The following UHRF1 variants were observed in gnomAD, a reference collection of about 807,000 sequenced individuals.
UHRF1 encodes the protein ubiquitin like with PHD and ring finger domains 1, also known as E3 ubiquitin-protein ligase UHRF1.
In UHRF1, 9 loss-of-function variants were observed where a neutral mutation model predicts 96.5. The observed-to-expected ratio is 0.09, with a 90% CI of 0.06 to 0.16. The LOEUF (loss-of-function observed/expected upper bound fraction) is 0.16, where lower values mean the gene tolerates loss of function less well. Among genes scored for constraint, UHRF1 ranks in the 10% least tolerant of loss-of-function variants. UHRF1 has a pLI of 1.00. For missense variants in UHRF1, 626 were observed against 1,131.1 expected (o/e 0.55, Z 6.40); for synonymous variants, 455 against 469.9 (o/e 0.97, Z 0.41).
chr19:4,935,194 C>T (rs1015241453), intron 5 of UHRF1, among the ~76,000 whole-genome samples: 5 of 152,132 alleles, frequency 3.3e-5, no homozygotes, highest in African/African-American at 9.7e-5. Flanking sequence ...TCTTGAACTC[C>T]TGACCTCAGG....
Position 4,929,624 on chromosome 19 carries a change from T to C in UHRF1, c.408+148T>C, listed in dbSNP as rs1179513413. On this transcript the variant is annotated intron_variant, in intron 3 of 16. Transcript: ENST00000650932. ...TGGCCAAGGGGTGGTTTCCTGCACG[T>C]TCCTTGAGGGGAACATGGTACCCTG... The C allele has an allele frequency of 3.5e-6, 4 of 1,134,862 alleles. No individual in the cohort carries two copies. The African/African-American group carries it at 6.3e-5, about 18-fold the overall frequency. 70.3% of individuals were successfully genotyped at this position (1,134,862 alleles called of 1,614,324 possible).
rs1019927680 is a variant in UHRF1 at position 4,961,771 on chromosome 19, G to A, written c.*968G>A. The stretch of plus-strand genomic sequence containing the variant: ...TCAGCAAGTGAGAACTTACAAGAGG[G>A]TTTTTTTAAAATTTTTTTTTCTCTT... On this transcript the variant is annotated 3_prime_UTR_variant, in exon 17 of 17. Coordinates refer to ENST00000650932, the MANE Select transcript of UHRF1 (RefSeq NM_001048201.3). 3 of 129,852 alleles carry A rather than the reference G, an allele frequency of 2.3e-5. No individual in the cohort carries two copies. Among genetic ancestry groups the A allele is most frequent in the Non-Finnish European group, 5.3e-5 (3 of 56,098 alleles). 8.0% of individuals were successfully genotyped at this position (129,852 alleles called of 1,614,324 possible).
chr19:4,949,207 C>T (rs928008205), intron 11 of UHRF1, among the ~76,000 whole-genome samples: 1 of 151,864 alleles, frequency 6.6e-6, no homozygotes, highest in African/African-American at 2.4e-5. Context: ...TGGTGAGATA[C>T]TATTTGTTTC....
In UHRF1 at chr19:4,932,927, G is replaced by C; in HGVS notation, c.756G>C (p.Ala252=). 1 of 1,613,306 alleles carries C rather than the reference G, an allele frequency of 6.2e-7. No homozygotes were observed. Among genetic ancestry groups the C allele is most frequent in the Non-Finnish European group, 8.5e-7 (1 of 1,179,666 alleles). Reference sequence around the variant, plus strand: ...CCAGGAAGCGCGAGACCAGGACGGCGCGGGAACTCTACGCCAACGTGGTGC... The same window carrying C: ...CCAGGAAGCGCGAGACCAGGACGGCCCGGGAACTCTACGCCAACGTGGTGC... ...EISRKRETRT[A]RELYANVVLG... is the part of the protein sequence containing the mutation. Residue 252 remains alanine (A), a synonymous_variant, in exon 5 of 17, where the codon GCG becomes GCC. Transcript: ENST00000650932.
intron 2 of UHRF1, among the ~76,000 whole-genome samples, chr19:4,922,426 C>T (rs944810963): frequency 4.6e-5 from 7 of 151,658 alleles, no homozygotes; most frequent in South Asian, 2.1e-4. Context: ...CCACCACGCC[C>T]GGGTAATTTT....
intron 2 of UHRF1, among the ~76,000 whole-genome samples, chr19:4,927,502 G>T (rs1300726450): frequency 1.3e-5 from 2 of 152,074 alleles, no homozygotes; most frequent in African/African-American, 4.8e-5. Context: ...CCTTCACTGT[G>T]ACCCCCATGC....
At chr19:4,957,321 T>TC (rs2033883150) in intron 16 of UHRF1, among the ~76,000 whole-genome samples, 6 of 144,754 alleles carry the variant, frequency 4.1e-5, no homozygotes, top group Admixed American at 1.4e-4. Flanking sequence ...TTTTTTTTTT[T>TC]TTTCTGAGAC....
upstream of UHRF1, among the ~76,000 whole-genome samples, chr19:4,905,755 G>A (rs946037839): frequency 2.0e-5 from 3 of 152,102 alleles, no homozygotes; most frequent in Non-Finnish European, 2.9e-5. Flanking sequence ...TGACCTCAGT[G>A]ATCCGCCTGC....
At chr19:4,953,350 ATTAAGT>A (rs1224030307) in intron 13 of UHRF1, among the ~76,000 whole-genome samples, 2 of 152,324 alleles carry the variant, frequency 1.3e-5, no homozygotes, top group Admixed American at 6.5e-5. Context: ...TGGACTGGTG[ATTAAGT>A]TTAATCTATA....
intron 2 of UHRF1, among the ~76,000 whole-genome samples, chr19:4,915,501 G>C (rs975578694): frequency 6.6e-6 from 1 of 152,164 alleles, no homozygotes; most frequent in Non-Finnish European, 1.5e-5. Context: ...ATCACCTGAG[G>C]TCAGGAGTTC....
At chr19:4,937,272 T>G (rs1318110473) in intron 5 of UHRF1, among the ~76,000 whole-genome samples, 1 of 151,272 alleles carries the variant, frequency 6.6e-6, no homozygotes, top group Non-Finnish European at 1.5e-5. Flanking sequence ...CTGAGTAGTA[T>G]TCTGTGGTAT....
At chr19:4,911,791 T>C (rs1256295020) in intron 2 of UHRF1, among the ~76,000 whole-genome samples, 2 of 151,938 alleles carry the variant, frequency 1.3e-5, no homozygotes, top group Non-Finnish European at 2.9e-5. Context: ...CTACTGGGAG[T>C]GGGGTTTCCC....
rs17880633 is a variant in UHRF1 at position 4,953,103 on chromosome 19, G to A, written c.1819-1247G>A. Among the ~76,000 whole-genome samples, 1,035 of 152,198 alleles carry A rather than the reference G, an allele frequency of 6.8e-3. 18 individuals are homozygous for A. Among genetic ancestry groups the A allele is most frequent in the African/African-American group, 0.021 (875 of 41,530 alleles). On this transcript the variant is annotated intron_variant, in intron 13 of 16. Transcript: ENST00000650932. ...ACCCGCGTTCGCTCACATTAAATGCGCTTACCCCGACCCTGCCAGGTGGAG... is the reference window on the plus strand; with the variant it reads ...ACCCGCGTTCGCTCACATTAAATGCACTTACCCCGACCCTGCCAGGTGGAG...
At chr19:4,944,642 T>C (rs565102442) in intron 9 of UHRF1, among the ~76,000 whole-genome samples, 192 bp downstream of exon 9, 21 of 152,252 alleles carry the variant, frequency 1.4e-4, no homozygotes, top group Admixed American at 3.3e-4. Context: ...CAATGAATCC[T>C]TGGGGGTGGG....
intron 5 of UHRF1, among the ~76,000 whole-genome samples, chr19:4,940,888 G>A (rs1425892080): frequency 6.6e-6 from 1 of 151,782 alleles, no homozygotes; most frequent in Non-Finnish European, 1.5e-5. Flanking sequence ...GGCCAGGCTG[G>A]TCTCGAACTC....
Position 4,951,007 on chromosome 19 carries a change from G to A in UHRF1, c.1818+11G>A. ...GGGCTGACCATGCAGGTGTGTCTGG[G>A]ATGGGGGATGGCACTTTGGGAGGCC... On this transcript the variant is annotated intron_variant, in intron 13 of 16. Transcript: ENST00000650932. 2 of 1,593,968 alleles carry A rather than the reference G, an allele frequency of 1.3e-6. No homozygotes were observed. Among genetic ancestry groups the A allele is most frequent in the East Asian group, 2.2e-5 (1 of 44,606 alleles).
At chr19:4,936,721 C>A (rs192603186) in intron 5 of UHRF1, among the ~76,000 whole-genome samples, 1 of 151,010 alleles carries the variant, frequency 6.6e-6, no homozygotes, top group African/African-American at 2.4e-5. Context: ...GTGGGAGGAT[C>A]GCTTGAGCCT....
chr19:4,920,489 G>A (rs1490580892), intron 2 of UHRF1, among the ~76,000 whole-genome samples: 3 of 152,248 alleles, frequency 2.0e-5, no homozygotes, highest in Non-Finnish European at 2.9e-5. Context: ...GTAGTCATCT[G>A]CTGTGTCTGA....
chr19:4,919,478 A>G (rs938558882), intron 2 of UHRF1, among the ~76,000 whole-genome samples: 1 of 150,980 alleles, frequency 6.6e-6, no homozygotes, highest in African/African-American at 2.4e-5. Flanking sequence ...AATTTTTTGT[A>G]TTTTTAGTAG....
Sources: gnomAD v4.1 joint callset for allele counts (sites outside exome capture counted in the v4.1 genomes callset) on GRCh38, gnomAD v4.1.1 for gene constraint, MANE v1.5 for transcripts, NCBI Gene and HGNC (gene_info 2026-07-23, HGNC 2026-07-21) for gene names.